The following RBBP8 variants were observed in gnomAD, a reference collection of about 807,000 sequenced individuals.
RBBP8 encodes DNA endonuclease RBBP8.
Under a neutral mutation model 108.3 loss-of-function variants are expected in RBBP8, and 88 were observed. The observed-to-expected ratio is 0.81, with a 90% CI of 0.68 to 0.97. RBBP8 has a LOEUF of 0.97. Ranked by LOEUF, RBBP8 falls within the 50% of genes least tolerant of loss-of-function variation. The pLI is 0.00. For synonymous variants in RBBP8, 332 were observed against 348.2 expected, an observed-to-expected ratio of 0.95 and a Z score of 0.52; for missense variants, 1,023 against 1,049.0, an observed-to-expected ratio of 0.98 and a Z score of 0.34.
At chr18:22,947,627 G>C (rs1165180852) in intron 3 of RBBP8, among the ~76,000 whole-genome samples, 1 of 152,082 alleles carries the variant, frequency 6.6e-6, no homozygotes, top group Non-Finnish European at 1.5e-5. Context: ...GCTTGCTTTA[G>C]AAATGAAGTT....
intron 4 of RBBP8, among the ~76,000 whole-genome samples, chr18:22,954,142 C>T (rs62095172): frequency 6.6e-6 from 1 of 152,134 alleles, no homozygotes; most frequent in African/African-American, 2.4e-5. Flanking sequence ...CCTTCCAAAT[C>T]TCATGTCCTC....
At chr18:22,926,094 T>C (rs1373126489) in intron 3 of RBBP8, among the ~76,000 whole-genome samples, 1 of 152,218 alleles carries the variant, frequency 6.6e-6, no homozygotes, top group African/African-American at 2.4e-5. Context: ...TATAAATAGA[T>C]GACATGGAAG....
chr18:22,951,699 C>A (rs1447896165), intron 4 of RBBP8, among the ~76,000 whole-genome samples: 3 of 152,204 alleles, frequency 2.0e-5, no homozygotes, highest in Admixed American at 2.0e-4. Flanking sequence ...ATTTCAAGCC[C>A]CAGGTTGTTT....
rs867790137 is a variant in RBBP8 at position 22,994,053 on chromosome 18, C to T, written c.1939+206C>T. On this transcript the variant is annotated intron_variant, in intron 12 of 18. Transcript: ENST00000327155. ...TTTTTTTTTTTGAGACGGAGTCTCG[C>T]TCTGTCGCCCAGGCTGGAGTGCAGT... Among the ~76,000 whole-genome samples, 4 of 119,472 alleles carry T rather than the reference C, an allele frequency of 3.3e-5. No homozygotes were observed. In the South Asian group the frequency reaches 8.2e-4, roughly 24 times the overall value. The allele number at this position is 119,472 out of a possible 152,430, so 78.4% of individuals were successfully genotyped here.
At chr18:22,991,894 G>A (rs981192665) in intron 10 of RBBP8, among the ~76,000 whole-genome samples, 2 of 152,114 alleles carry the variant, frequency 1.3e-5, no homozygotes, top group East Asian at 3.8e-4. Flanking sequence ...ATCACAGTCT[G>A]TCATCTTAGT....
intron 4 of RBBP8, among the ~76,000 whole-genome samples, chr18:22,956,667 A>C (rs1161155845): frequency 6.6e-6 from 1 of 152,222 alleles, no homozygotes; most frequent in African/African-American, 2.4e-5. Context: ...ACAGTAATTC[A>C]GCCTACTCTT....
chr18:22,976,785 A>G (rs1914528726), intron 6 of RBBP8, among the ~76,000 whole-genome samples: 1 of 152,146 alleles, frequency 6.6e-6, no homozygotes, highest in Non-Finnish European at 1.5e-5. Flanking sequence ...ATGAGTACCA[A>G]AGGGATGAGA....
chr18:22,919,490 T>C (rs1269355599), intron 3 of RBBP8, among the ~76,000 whole-genome samples: 1 of 152,236 alleles, frequency 6.6e-6, no homozygotes, highest in African/African-American at 2.4e-5. Flanking sequence ...AGACACTGTA[T>C]GTAGATGGTG....
At chr18:22,933,118 G>A (rs1012406438), upstream of RBBP8, among the ~76,000 whole-genome samples, 2 of 152,226 alleles carry the variant, frequency 1.3e-5, no homozygotes, top group Non-Finnish European at 2.9e-5. Flanking sequence ...CCAACAGAAC[G>A]GCTTGAGCTT....
intron 16 of RBBP8, among the ~76,000 whole-genome samples, chr18:23,007,556 T>C (rs958028449): frequency 6.6e-6 from 1 of 150,916 alleles, no homozygotes; most frequent in African/African-American, 2.4e-5. Flanking sequence ...TACAAAAAAT[T>C]AGCCAGGTGT....
At chr18:23,008,454 T>C (rs550927538) in intron 16 of RBBP8, among the ~76,000 whole-genome samples, 1 of 152,290 alleles carries the variant, frequency 6.6e-6, no homozygotes, top group African/African-American at 2.4e-5. Context: ...ATTCCAAATG[T>C]GACTAGGTTG....
At chr18:22,992,625 T>A in intron 10 of RBBP8, 123 bp from the exon 11 acceptor site, 1 of 737,880 alleles carries the variant, frequency 1.4e-6, no homozygotes, top group Non-Finnish European at 2.2e-6. Flanking sequence ...TTTTGTCATC[T>A]AAATGAAGAG....
chr18:22,973,288 G>T (rs77442969), intron 5 of RBBP8, among the ~76,000 whole-genome samples: 2,201 of 152,098 alleles, frequency 0.014, 47 homozygotes, highest in African/African-American at 0.05. Flanking sequence ...ATTTTTTATA[G>T]TTCTGATCTG....
At chr18:23,022,664 A>AAAAAAAAT (rs2046386622) in intron 18 of RBBP8, among the ~76,000 whole-genome samples, 26 of 47,314 alleles carry the variant, frequency 5.5e-4, no homozygotes, top group Admixed American at 2.4e-3. Context: ...AAAATAAAAT[A>AAAAAAAAT]AAATAAATAA....
chr18:22,976,848 C>T (rs1009816501), intron 6 of RBBP8, among the ~76,000 whole-genome samples: 2 of 152,046 alleles, frequency 1.3e-5, no homozygotes, highest in Non-Finnish European at 2.9e-5. Context: ...GCCTCAAAAA[C>T]CAATGTGTAT....
At chr18:22,970,671 C>CT (rs1914008350) in intron 5 of RBBP8, among the ~76,000 whole-genome samples, 1 of 152,122 alleles carries the variant, frequency 6.6e-6, no homozygotes, top group African/African-American at 2.4e-5. Context: ...TGATCGTCTT[C>CT]TTGGGTGAAT....
chr18:22,914,371 G>A (rs1208715575), intron 1 of RBBP8: 1 of 152,040 alleles, frequency 6.6e-6, no homozygotes, highest in Non-Finnish European at 1.5e-5. Flanking sequence ...AAGAAATGAT[G>A]TTTAAAAAGA....
At chr18:22,930,743 T>C (rs1041654731), upstream of RBBP8, among the ~76,000 whole-genome samples, 2 of 152,200 alleles carry the variant, frequency 1.3e-5, no homozygotes, top group African/African-American at 2.4e-5. Flanking sequence ...TTCCTGGAGA[T>C]AAAAGGGTGA....
chr18:22,990,590 G>C (rs778279617), intron 9 of RBBP8, among the ~76,000 whole-genome samples: 2 of 152,050 alleles, frequency 1.3e-5, no homozygotes, highest in African/African-American at 2.4e-5. Flanking sequence ...GTGATATTTA[G>C]TACATTCATA....
Sources: allele counts gnomAD v4.1 joint callset (sites outside exome capture counted in the v4.1 genomes callset), GRCh38; gene constraint gnomAD v4.1.1; transcripts MANE v1.5; gene names NCBI Gene and HGNC (gene_info 2026-07-23, HGNC 2026-07-21).